The following DDX6 variants were observed in gnomAD, a reference collection of about 807,000 sequenced individuals.
DDX6 encodes probable ATP-dependent RNA helicase DDX6.
Under a neutral mutation model 60.6 loss-of-function variants are expected in DDX6, and 7 were observed. That is an observed-to-expected ratio of 0.12 (90% CI 0.07 to 0.22). The LOEUF (loss-of-function observed/expected upper bound fraction) is 0.22. Among genes scored for constraint, DDX6 ranks in the 10% least tolerant of loss-of-function variants. DDX6 has a pLI of 1.00. For synonymous variants in DDX6, 207 were observed against 201.0 expected (o/e 1.03, Z -0.25); for missense variants, 270 against 589.9 (o/e 0.46, Z 5.62).
intron 1 of DDX6, chr11:118,787,712 A>T (rs1003763061): frequency 1.3e-5 from 2 of 152,182 alleles, no homozygotes; most frequent in Non-Finnish European, 2.9e-5. Flanking sequence ...TAAATGAAGC[A>T]GTCAAGAGAA....
At chr11:118,787,487 G>GA (rs11372890) in intron 1 of DDX6, 130,318 of 147,628 alleles carry the variant, frequency 0.88, 57,106 homozygotes, top group East Asian at 1. Context: ...AAACAAACAA[G>GA]AAAAAAAAAA....
chr11:118,788,297 C>G (rs1862146330), intron 1 of DDX6: 1 of 4,686 alleles, frequency 2.1e-4, no homozygotes, highest in African/African-American at 1.1e-3. Context: ...GAGCAATACT[C>G]TGACTTAAAA....
chr11:118,768,161 C>T, intron 5 of DDX6, 62 bp downstream of exon 5: 1 of 1,495,420 alleles, frequency 6.7e-7, no homozygotes, highest in Non-Finnish European at 9.1e-7. Flanking sequence ...GTATCTTCTA[C>T]ACATGGCTCC....
intron 4 of DDX6, among the ~76,000 whole-genome samples, chr11:118,773,939 C>T (rs1235105993): frequency 2.0e-5 from 3 of 151,686 alleles, no homozygotes; most frequent in African/African-American, 4.8e-5. Flanking sequence ...CATGATAAAC[C>T]GATTGTTAGC....
At chr11:118,785,292 T>C (rs1862037368) in intron 2 of DDX6, among the ~76,000 whole-genome samples, 1 of 152,222 alleles carries the variant, frequency 6.6e-6, no homozygotes, top group Non-Finnish European at 1.5e-5. Flanking sequence ...AAAAGGTTTC[T>C]GAGACTGTTC....
intron 2 of DDX6, 52 bp from the exon 3 acceptor site, chr11:118,781,236 A>C: frequency 2.7e-6 from 3 of 1,116,542 alleles, no homozygotes; most frequent in Non-Finnish European, 4.0e-6. Flanking sequence ...CATCCTAACA[A>C]AGATGATTCA....
intron 6 of DDX6, among the ~76,000 whole-genome samples, chr11:118,763,823 G>A (rs1173836839): frequency 7.8e-6 from 1 of 128,522 alleles, no homozygotes; most frequent in African/African-American, 3.0e-5. Context: ...AACAGAGTAA[G>A]ACTGTGTCTC....
At chr11:118,758,661 A>C in intron 9 of DDX6, 113 bp downstream of exon 9, 1 of 1,334,654 alleles carries the variant, frequency 7.5e-7, no homozygotes, top group Non-Finnish European at 1.0e-6. Context: ...CACCGTGCCA[A>C]GCCAGAAACA....
chr11:118,775,358 C>T (rs1292059402), intron 4 of DDX6, among the ~76,000 whole-genome samples: 1 of 151,980 alleles, frequency 6.6e-6, no homozygotes, highest in Non-Finnish European at 1.5e-5. Context: ...ACCACCTGTT[C>T]CCCCAAAAAA....
chr11:118,764,887 T>C (rs1861300466), intron 6 of DDX6, among the ~76,000 whole-genome samples: 1 of 151,598 alleles, frequency 6.6e-6, no homozygotes. Flanking sequence ...TTGCCCATGA[T>C]AGAGATGTAA....
intron 6 of DDX6, among the ~76,000 whole-genome samples, chr11:118,764,821 T>TACACACACACACAC (rs59605753): frequency 0.26 from 35,854 of 138,702 alleles, 4,741 homozygotes; most frequent in Non-Finnish European, 0.28. Context: ...AAAAAAAATA[T>TACACACACACACAC]ACACACACAC....
intron 10 of DDX6, among the ~76,000 whole-genome samples, 179 bp from the exon 11 acceptor site, chr11:118,756,502 T>C (rs1301024765): frequency 6.6e-6 from 1 of 152,220 alleles, no homozygotes; most frequent in East Asian, 1.9e-4. Flanking sequence ...ACAGAAACTG[T>C]TTACTTACGA....
chr11:118,768,397 A>G (rs1861425720), intron 4 of DDX6, 45 bp from the exon 5 acceptor site: 1 of 1,601,300 alleles, frequency 6.2e-7, no homozygotes, highest in South Asian at 1.1e-5. Flanking sequence ...AATGTAGTAC[A>G]CAAGCAAATT....
rs188123658 is a variant in DDX6 at position 118,751,632 on chromosome 11, G to C, written c.*473C>G. 1 of 172,366 alleles carries C rather than the reference G, an allele frequency of 5.8e-6. No homozygotes were observed. Among genetic ancestry groups the C allele is most frequent in the Admixed American group, 6.4e-5 (1 of 15,568 alleles). The allele number at this position is 172,366 out of a possible 1,614,324, so 10.7% of individuals were successfully genotyped here. On this transcript the variant is annotated 3_prime_UTR_variant, in exon 14 of 14. Transcript: ENST00000534980. ...TGTCTAAAAGATGATATTCTGAATGGTCTCATAGCATAAGGCACTTCGCAC... is the reference window on the plus strand; with the variant it reads ...TGTCTAAAAGATGATATTCTGAATGCTCTCATAGCATAAGGCACTTCGCAC...
intron 4 of DDX6, among the ~76,000 whole-genome samples, chr11:118,769,422 G>T (rs1555161958): frequency 6.6e-6 from 1 of 152,128 alleles, no homozygotes; most frequent in Non-Finnish European, 1.5e-5. Context: ...CACTAAAGGT[G>T]ACCTCTCATT....
At chr11:118,754,988 T>C (rs1555158378) in intron 12 of DDX6, 101 bp from the exon 13 acceptor site, 3 of 1,008,882 alleles carry the variant, frequency 3.0e-6, no homozygotes, top group Non-Finnish European at 4.2e-6. Flanking sequence ...TTGATAATGA[T>C]GTTCAGTGCC....
At chr11:118,780,697 G>C (rs961963536) in intron 3 of DDX6, among the ~76,000 whole-genome samples, 1 of 152,140 alleles carries the variant, frequency 6.6e-6, no homozygotes, top group African/African-American at 2.4e-5. Flanking sequence ...CAAATCACAA[G>C]ATATGAAGTT....
At chr11:118,785,257 GAGGCTCTTC>G in intron 2 of DDX6, among the ~76,000 whole-genome samples, 1 of 152,276 alleles carries the variant, frequency 6.6e-6, no homozygotes, top group Admixed American at 6.5e-5. Context: ...CTAGTAAGAG[GAGGCTCTTC>G]AATTTTAAGG....
chr11:118,770,746 A>AT (rs1273807803), intron 4 of DDX6, among the ~76,000 whole-genome samples: 1 of 151,652 alleles, frequency 6.6e-6, no homozygotes, highest in Non-Finnish European at 1.5e-5. Flanking sequence ...AAAAATGGTC[A>AT]TGGTGCGCAC....
Sources: gnomAD v4.1 joint callset for allele counts (sites outside exome capture counted in the v4.1 genomes callset) on GRCh38, gnomAD v4.1.1 for gene constraint, MANE v1.5 for transcripts, NCBI Gene and HGNC (gene_info 2026-07-23, HGNC 2026-07-21) for gene names.